Variants in VCF1 observed in about 807,000 individuals in gnomAD.
VCF1 encodes protein VCF1.
At chr17:73,212,068 G>A in the VCF1 span, among the ~76,000 whole-genome samples, 1 of 152,222 alleles carries the variant, frequency 6.6e-6, no homozygotes, top group South Asian at 2.1e-4. Flanking sequence ...CGAAATCACA[G>A]TAGTTATATT....
the VCF1 span, among the ~76,000 whole-genome samples, chr17:73,225,873 T>C: frequency 8.7e-6 from 1 of 115,510 alleles, no homozygotes; most frequent in East Asian, 2.4e-4. Flanking sequence ...AAAAAATATA[T>C]ATATATATAA....
At chr17:73,207,518 C>G in the VCF1 span, 2 of 600,926 alleles carry the variant, frequency 3.3e-6, no homozygotes, top group East Asian at 7.2e-5. Flanking sequence ...GAGATGAGCT[C>G]TTGAATTTAG....
the VCF1 span, among the ~76,000 whole-genome samples, chr17:73,224,925 G>GACAGCACAGC: frequency 6.6e-5 from 8 of 121,138 alleles, no homozygotes; most frequent in Non-Finnish European, 1.1e-4. Flanking sequence ...GACAGGACAG[G>GACAGCACAGC]ACAGGACAGC....
chr17:73,217,814 T>C, the VCF1 span, among the ~76,000 whole-genome samples: 1 of 150,262 alleles, frequency 6.7e-6, no homozygotes, highest in Non-Finnish European at 1.5e-5. Flanking sequence ...TCTACTAAAA[T>C]ACAAAAAGTT....
the VCF1 span, chr17:73,207,466 T>C: frequency 3.0e-6 from 2 of 673,952 alleles, no homozygotes; most frequent in Non-Finnish European, 5.3e-6. Flanking sequence ...CACTACCAAG[T>C]AGCCTCTTAA....
At chr17:73,212,442 AAAAT>A in the VCF1 span, among the ~76,000 whole-genome samples, 2 of 152,236 alleles carry the variant, frequency 1.3e-5, no homozygotes, top group Admixed American at 1.3e-4. Flanking sequence ...AAAAAATAAA[AAAAT>A]AAAAACCTCA....
At chr17:73,227,920 G>A in the VCF1 span, among the ~76,000 whole-genome samples, 1 of 152,192 alleles carries the variant, frequency 6.6e-6, no homozygotes, top group Non-Finnish European at 1.5e-5. Flanking sequence ...CTCTATTTAA[G>A]AATTATGTGC....
the VCF1 span, chr17:73,207,809 G>C: frequency 3.9e-6 from 5 of 1,284,184 alleles, no homozygotes; most frequent in African/African-American, 7.6e-5. Context: ...ACAGCATCGA[G>C]TTGTTTGCTT....
chr17:73,218,054 G>A, the VCF1 span, among the ~76,000 whole-genome samples: 5 of 152,094 alleles, frequency 3.3e-5, no homozygotes, highest in African/African-American at 7.2e-5. Flanking sequence ...CTCTTTCAAT[G>A]GTGCTTTCAA....
chr17:73,231,233 G>A, the VCF1 span, among the ~76,000 whole-genome samples: 100 of 152,294 alleles, frequency 6.6e-4, no homozygotes, highest in African/African-American at 2.3e-3. Flanking sequence ...AATTATTTCA[G>A]AGAAGGATCC....
At chr17:73,209,287 T>C in the VCF1 span, 1 of 582,024 alleles carries the variant, frequency 1.7e-6, no homozygotes, top group East Asian at 2.9e-5. Flanking sequence ...TACCTTGACA[T>C]AGATTTGATA....
the VCF1 span, chr17:73,229,211 G>T: frequency 1.0e-6 from 1 of 985,430 alleles, no homozygotes; most frequent in Non-Finnish European, 1.2e-6. Context: ...TCCTCTGGAT[G>T]GTACCAGATT....
At chr17:73,232,017 G>C in the VCF1 span, 1 of 1,466,438 alleles carries the variant, frequency 6.8e-7, no homozygotes, top group African/African-American at 1.4e-5. Flanking sequence ...CCCCCATTTC[G>C]CGCGCCCCCT....
chr17:73,232,079 C>G, the VCF1 span: 1 of 1,598,470 alleles, frequency 6.3e-7, no homozygotes, highest in African/African-American at 1.3e-5. Context: ...GGTCCCTTCC[C>G]TCTCACCTGG....
At chr17:73,232,387 G>C in the VCF1 span, 1 of 1,408,642 alleles carries the variant, frequency 7.1e-7, no homozygotes, top group Non-Finnish European at 9.3e-7. Flanking sequence ...CCCCGCCCAC[G>C]GGAAGAGGCG....
the VCF1 span, chr17:73,207,493 A>C: frequency 1.6e-6 from 1 of 635,806 alleles, no homozygotes. Flanking sequence ...TGTAGAAAAT[A>C]TACAGGACAG....
the VCF1 span, chr17:73,208,144 C>T: frequency 0.081 from 122,718 of 1,508,214 alleles, 5,490 homozygotes; most frequent in Non-Finnish European, 0.089. Flanking sequence ...CATGCTGTTC[C>T]GTGTCCTCTT....
chr17:73,223,846 T>C, the VCF1 span, among the ~76,000 whole-genome samples: 2 of 151,394 alleles, frequency 1.3e-5, no homozygotes, highest in African/African-American at 4.9e-5. Flanking sequence ...CCAGGTTTGG[T>C]GGCACATCCC....
chr17:73,226,904 G>C, the VCF1 span, among the ~76,000 whole-genome samples: 1 of 152,118 alleles, frequency 6.6e-6, no homozygotes, highest in Non-Finnish European at 1.5e-5. Flanking sequence ...TCAAACATAG[G>C]CTTTCAAAAA....
Sources: allele counts gnomAD v4.1 joint callset (sites outside exome capture counted in the v4.1 genomes callset), GRCh38; gene constraint gnomAD v4.1.1; transcripts MANE v1.5; gene names NCBI Gene and HGNC (gene_info 2026-07-23, HGNC 2026-07-21).